Variants in FUT9 observed in about 807,000 individuals in gnomAD.
FUT9 encodes the protein fucosyltransferase 9, also known as 4-galactosyl-N-acetylglucosaminide 3-alpha-L-fucosyltransferase 9.
FUT9 carries 15 observed loss-of-function variants against 29.7 expected under a neutral mutation model. The observed-to-expected ratio is 0.51, with a 90% CI of 0.34 to 0.78. The LOEUF (loss-of-function observed/expected upper bound fraction) is 0.78. FUT9 is among the 30% of genes least tolerant of loss of function. FUT9 has a pLI of 0.01. For synonymous variants in FUT9, 169 were observed against 153.7 expected (o/e 1.10, Z -0.74); for missense variants, 319 against 425.4 (o/e 0.75, Z 2.20).
chr6:96,023,088 C>T (rs181516886), intron 1 of FUT9, among the ~76,000 whole-genome samples: 1 of 152,014 alleles, frequency 6.6e-6, no homozygotes, highest in Admixed American at 6.6e-5. Context: ...TCAAAAGATG[C>T]TGATATTTTG....
At chr6:96,110,275 C>T (rs963192185) in intron 1 of FUT9, among the ~76,000 whole-genome samples, 1 of 152,098 alleles carries the variant, frequency 6.6e-6, no homozygotes, top group Non-Finnish European at 1.5e-5. Flanking sequence ...GTTAAAGCTG[C>T]GAGCCTCATA....
chr6:96,129,327 C>A (rs1378190712), intron 2 of FUT9, among the ~76,000 whole-genome samples: 5 of 148,436 alleles, frequency 3.4e-5, no homozygotes, highest in Non-Finnish European at 5.9e-5. Flanking sequence ...TGCCTGTGGT[C>A]CCAGCTATCC....
chr6:96,130,852 G>A (rs1772229823), intron 2 of FUT9, among the ~76,000 whole-genome samples: 2 of 152,128 alleles, frequency 1.3e-5, no homozygotes, highest in Non-Finnish European at 2.9e-5. Flanking sequence ...TACTGTGGCA[G>A]TGCAAACTTA....
At chr6:96,110,562 C>G (rs1224986280) in intron 1 of FUT9, among the ~76,000 whole-genome samples, 1 of 152,156 alleles carries the variant, frequency 6.6e-6, no homozygotes, top group East Asian at 1.9e-4. Context: ...CCTCGACAAG[C>G]TGGGAAGAAA....
rs372046151 is a variant in FUT9, at chr6:96,134,402, T to C, written c.-9+20275T>C. On this transcript the variant is annotated intron_variant, in intron 2 of 2. Transcript: ENST00000302103. ...AAGAGCAGTATAATATTCCATTCTT[T>C]GTTTGGATCATAATTTTTTAACCAA... Among the ~76,000 whole-genome samples, 3 of 151,940 alleles carry C rather than the reference T, an allele frequency of 2.0e-5. No homozygotes were observed. In the East Asian group the frequency reaches 5.8e-4, roughly 29 times the overall value.
intron 1 of FUT9, among the ~76,000 whole-genome samples, chr6:96,030,666 A>C (rs1770246088): frequency 6.6e-6 from 1 of 151,614 alleles, no homozygotes; most frequent in African/African-American, 2.4e-5. Flanking sequence ...CTACATACAA[A>C]GTTATAATGA....
chr6:96,044,074 G>C (rs1028846839), intron 1 of FUT9, among the ~76,000 whole-genome samples: 4 of 152,110 alleles, frequency 2.6e-5, no homozygotes, highest in Non-Finnish European at 5.9e-5. Flanking sequence ...TGGGTAAGTG[G>C]TTGCGAGTGA....
chr6:96,100,230 AACACACAC>A (rs36064811), intron 1 of FUT9, among the ~76,000 whole-genome samples: 1,536 of 148,864 alleles, frequency 0.01, 36 homozygotes, highest in African/African-American at 0.037. Context: ...CACACACACC[AACACACAC>A]ACACACACAC....
In FUT9 at chr6:96,210,378, G is replaced by A. The variant is rs996235465; in HGVS notation, c.*6143G>A. On this transcript the variant is annotated 3_prime_UTR_variant, in exon 3 of 3. Transcript: ENST00000302103. ...TTTTTCCAGTTGCGAGTTGCTTATA[G>A]TAGTTCGCGAACCTGAATGCACATT... 4 of 166,860 alleles carry A rather than the reference G, an allele frequency of 2.4e-5. No individual in the cohort carries two copies. The highest frequency in any genetic ancestry group is 5.9e-5 in the Non-Finnish European group (4 of 68,032). The allele number at this position is 166,860 out of a possible 1,614,324, so 10.3% of individuals were successfully genotyped here. A position where few individuals can be genotyped will look rare whatever the true frequency, so the allele number is the denominator to read the frequency against.
At chr6:96,170,495 A>G (rs1773091849) in intron 2 of FUT9, among the ~76,000 whole-genome samples, 1 of 152,064 alleles carries the variant, frequency 6.6e-6, no homozygotes, top group South Asian at 2.1e-4. Flanking sequence ...TTCTTCCAAA[A>G]GAATAGCCAA....
chr6:96,122,774 C>A (rs928625748), intron 2 of FUT9, among the ~76,000 whole-genome samples: 1 of 151,980 alleles, frequency 6.6e-6, no homozygotes, highest in East Asian at 1.9e-4. Context: ...TGGCCGGGTA[C>A]GGTGGCTCAC....
At chr6:96,124,163 T>A (rs2127966202) in intron 2 of FUT9, among the ~76,000 whole-genome samples, 1 of 150,022 alleles carries the variant, frequency 6.7e-6, no homozygotes, top group South Asian at 2.1e-4. Context: ...CTTTTTTTTT[T>A]TTTTTTGAGA....
chr6:96,131,356 T>A (rs1344209896), intron 2 of FUT9, among the ~76,000 whole-genome samples: 1 of 152,122 alleles, frequency 6.6e-6, no homozygotes, highest in African/African-American at 2.4e-5. Flanking sequence ...TCTTTCCTTC[T>A]CTTTCCATAT....
intron 2 of FUT9, among the ~76,000 whole-genome samples, chr6:96,155,771 A>G (rs947517695): frequency 6.6e-6 from 1 of 152,174 alleles, no homozygotes; most frequent in Non-Finnish European, 1.5e-5. Flanking sequence ...GTGAAGAGGC[A>G]GCAATAGGGC....
chr6:96,095,589 G>T (rs1047544267), intron 1 of FUT9, among the ~76,000 whole-genome samples: 10 of 152,048 alleles, frequency 6.6e-5, no homozygotes, highest in Non-Finnish European at 1.3e-4. Flanking sequence ...TTTCTTTCAG[G>T]ATGCTGTCAT....
chr6:96,083,999 G>C (rs1432153803), intron 1 of FUT9, among the ~76,000 whole-genome samples: 1 of 151,996 alleles, frequency 6.6e-6, no homozygotes, highest in East Asian at 1.9e-4. Flanking sequence ...GTCATTATAT[G>C]ATAACTCCCT....
intron 2 of FUT9, among the ~76,000 whole-genome samples, chr6:96,171,306 C>T (rs192695318): frequency 9.9e-5 from 15 of 152,252 alleles, no homozygotes; most frequent in African/African-American, 3.1e-4. Context: ...TTCTGGGTTG[C>T]TCATGCATGA....
intron 2 of FUT9, among the ~76,000 whole-genome samples, chr6:96,188,256 G>A (rs766335259): frequency 1.3e-5 from 2 of 152,056 alleles, no homozygotes; most frequent in Non-Finnish European, 2.9e-5. Flanking sequence ...TCTCTTTTGT[G>A]TGTGTGTGTA....
chr6:96,102,601 T>C (rs1252107268), intron 1 of FUT9, among the ~76,000 whole-genome samples: 1 of 152,212 alleles, frequency 6.6e-6, no homozygotes, highest in Non-Finnish European at 1.5e-5. Flanking sequence ...AGTCATCTTG[T>C]CTTAGAGTTA....
Sources: gnomAD v4.1 joint callset for allele counts (sites outside exome capture counted in the v4.1 genomes callset) on GRCh38, gnomAD v4.1.1 for gene constraint, MANE v1.5 for transcripts, NCBI Gene and HGNC (gene_info 2026-07-23, HGNC 2026-07-21) for gene names.